SLC34A3: variants seen among roughly 807,000 people sequenced by gnomAD.
SLC34A3 encodes solute carrier family 34 member 3, also known as sodium-dependent phosphate transport protein 2C.
In SLC34A3, 60 loss-of-function variants were observed where a neutral mutation model predicts 43.9. That is an observed-to-expected ratio of 1.37 (90% CI 1.11 to 1.70). The LOEUF is 1.70. Ranked by LOEUF, SLC34A3 falls within the 40% of genes most tolerant of loss-of-function variation. The pLI is 0.00. For missense variants in SLC34A3, 969 were observed against 823.8 expected (o/e 1.18, Z -2.16); for synonymous variants, 451 against 386.2 (o/e 1.17, Z -1.97).
At chr9:137,232,359 C>T (rs556447442) in intron 3 of SLC34A3, among the ~76,000 whole-genome samples, 198 bp downstream of exon 3, 24 of 152,364 alleles carry the variant, frequency 1.6e-4, no homozygotes, top group African/African-American at 4.3e-4. Flanking sequence ...TCTGCCCATC[C>T]GTCCCTCCCC....
At chr9:137,231,641 GAC>G (rs1490744490) in intron 1 of SLC34A3, 21 bp from the exon 2 acceptor site, 1 of 1,384,524 alleles carries the variant, frequency 7.2e-7, no homozygotes, top group African/African-American at 1.4e-5. Context: ...AAATGTCTCT[GAC>G]ACGCGCGTCC....
At chr9:137,233,466 C>T in intron 7 of SLC34A3, 62 bp downstream of exon 7, 2 of 1,580,656 alleles carry the variant, frequency 1.3e-6, no homozygotes, top group South Asian at 2.2e-5. Flanking sequence ...GGAGGGGAGG[C>T]CCGCCCTGCC....
chr9:137,236,335 C>G lies in SLC34A3; in HGVS notation c.1719C>G (p.Asn573Lys). Residue 573 changes from asparagine (N) to lysine (K), a missense_variant, in exon 13 of 13, where the codon AAC (asparagine) becomes AAG (lysine). Physicochemically the swap from Asn to Lys is moderately conservative, Grantham distance 94. Coordinates refer to ENST00000673835, the MANE Select transcript of SLC34A3 (RefSeq NM_001177316.2). Reference protein sequence around the residue: ...DRLVTRCCPCNVCSPPKATTK... With the variant: ...DRLVTRCCPCKVCSPPKATTK... ...TGGTGACCCGCTGCTGCCCCTGCAA[C>G]GTCTGCAGCCCCCCGAAGGCCACCA... The G allele has an allele frequency of 6.5e-7, 1 of 1,542,032 alleles. No individual in the cohort carries two copies. The highest frequency in any genetic ancestry group is 8.7e-7 in the Non-Finnish European group (1 of 1,146,780).
intron 3 of SLC34A3, 21 bp from the exon 4 acceptor site, chr9:137,232,554 C>G (rs775952487): frequency 6.2e-7 from 1 of 1,611,174 alleles, no homozygotes; most frequent in South Asian, 1.1e-5. Context: ...CAGCCAGGGA[C>G]AGCCTGCCCT....
upstream of SLC34A3, among the ~76,000 whole-genome samples, chr9:137,230,304 G>A (rs376238691): frequency 9.2e-5 from 14 of 152,242 alleles, no homozygotes; most frequent in East Asian, 1.9e-3. Context: ...GGCCGCCGTC[G>A]CTGGCTATAC....
At position 137,233,712 on chromosome 9, in the gene SLC34A3, C is replaced by T. The variant is rs150570831; in HGVS notation, c.836C>T (p.Thr279Met). Residue 279 changes from threonine to methionine, a missense_variant, in exon 8 of 13, where the codon ACG becomes ATG. Thr to Met is a moderately conservative substitution (Grantham distance 81, BLOSUM62 -1). Coordinates refer to ENST00000673835, the MANE Select transcript of SLC34A3 (RefSeq NM_001177316.2). ...SSLIKHWCGT[T>M]GQPTQENSSC... ...CTCATTAAGCACTGGTGCGGCACCA[C>T]GGGGCAGCCGGTGAGGCACCCAACC... 682 of 1,612,526 alleles carry T rather than the reference C, an allele frequency of 4.2e-4. 5 individuals are homozygous for T. The African/African-American group carries it at 7.1e-3, about 17-fold the overall frequency.
rs779140809 is a variant in SLC34A3, at chr9:137,233,358, A to AC, written c.711dup (p.Ile238HisfsTer31). 34 of 1,606,892 alleles carry AC rather than the reference A, an allele frequency of 2.1e-5. No individual in the cohort carries two copies. Among genetic ancestry groups the AC allele is most frequent in the Non-Finnish European group, 2.8e-5 (33 of 1,177,848 alleles). On this transcript the variant is annotated frameshift_variant, in exon 7 of 13. Transcript: ENST00000673835. LOFTEE classifies it high-confidence loss of function. Reference sequence around the variant, plus strand: ...CTGACACCCAGGGCGCAGGCGCCCGACATCCTCAAGGTGCTGACGAAGCCG... The same window carrying AC: ...CTGACACCCAGGGCGCAGGCGCCCGACCATCCTCAAGGTGCTGACGAAGCCG...
Position 137,234,643 on chromosome 9 carries a change from T to C in SLC34A3, c.1247T>C (p.Leu416Pro), listed in dbSNP as rs1439784975. Residue 416 changes from leucine to proline, a missense_variant, in exon 12 of 13, where the codon CTC (leucine) becomes CCC (proline). Coordinates refer to ENST00000673835, the MANE Select transcript of SLC34A3 (RefSeq NM_001177316.2). This position sits in a 1 kb window ranked among gnomAD's most constrained non-coding sequence, Gnocchi z 6.9. ...GVISLDRAYPLLLGSNIGTTT... is the reference protein window; with the variant it reads ...GVISLDRAYPPLLGSNIGTTT... Reference sequence around the variant, plus strand: ...ATCAGTCTGGACCGGGCGTACCCCCTCTTACTGGGCTCCAACATCGGCACC... The same window carrying C: ...ATCAGTCTGGACCGGGCGTACCCCCCCTTACTGGGCTCCAACATCGGCACC... 3.1e-6 allele frequency: 5 copies of C among 1,612,042 alleles called. No homozygotes were observed. Among genetic ancestry groups the C allele is most frequent in the Non-Finnish European group, 4.2e-6 (5 of 1,179,714 alleles).
At position 137,231,857 on chromosome 9, in the gene SLC34A3, C is replaced by T. The variant is rs1421219256; in HGVS notation, c.85+70C>T. ...CCACCCCCCAGGCACTGGGCAGAGACAGGCCAGGTTTCCTGCGGGCCTCCC... is the reference window on the plus strand; with the variant it reads ...CCACCCCCCAGGCACTGGGCAGAGATAGGCCAGGTTTCCTGCGGGCCTCCC... On this transcript the variant is annotated intron_variant, in intron 2 of 12. Coordinates refer to ENST00000673835, the MANE Select transcript of SLC34A3 (RefSeq NM_001177316.2). 2.9e-6 allele frequency: 4 copies of T among 1,402,912 alleles called. No homozygotes were observed. In the Admixed American group the frequency reaches 5.0e-5, roughly 18 times the overall value. The allele number at this position is 1,402,912 out of a possible 1,614,324, so 86.9% of individuals were successfully genotyped here. A position where few individuals can be genotyped will look rare whatever the true frequency, so the allele number is the denominator to read the frequency against.
At position 137,236,347 on chromosome 9, in the gene SLC34A3, C is replaced by T; in HGVS notation, c.1731C>T (p.Pro577=). The change falls in exon 13 of 13, where the codon CCC becomes CCT. Residue 577 remains proline, a synonymous_variant. Coordinates refer to ENST00000673835, the MANE Select transcript of SLC34A3 (RefSeq NM_001177316.2). ...TRCCPCNVCS[P]PKATTKEAYC... is the part of the protein sequence containing the mutation. ...GCTGCCCCTGCAACGTCTGCAGCCC[C>T]CCGAAGGCCACCACCAAAGAGGCCT... 1.3e-6 allele frequency: 2 copies of T among 1,541,278 alleles called. No individual in the cohort carries two copies. Among genetic ancestry groups the T allele is most frequent in the South Asian group, 1.2e-5 (1 of 84,076 alleles).
rs926586768 is a variant in SLC34A3 at position 137,235,981 on chromosome 9, G to A, written c.1365G>A (p.Leu455=). 6.2e-6 allele frequency: 10 copies of A among 1,612,334 alleles called. No homozygotes were observed. The African/African-American group carries it at 9.3e-5, about 15-fold the overall frequency. The change falls in exon 13 of 13, where the codon CTG becomes CTA. Residue 455 remains leucine (L), a synonymous_variant. Transcript: ENST00000673835. ...CCCTCATCCACTTCTTCTTCAACCT[G>A]GCCGGCATCCTGCTGTGGTACCTGG... is the stretch of plus-strand genomic sequence containing the variant. ...QVALIHFFFN[L]AGILLWYLVP... is the part of the protein sequence containing the mutation.
In SLC34A3 at chr9:137,232,633, G is replaced by T. The variant is rs780602942; in HGVS notation, c.234G>T (p.Gly78=). The change falls in exon 4 of 13, where the codon GGG becomes GGT. Residue 78 remains glycine, a synonymous_variant. Transcript: ENST00000673835. ...CCGGCAGCGTCCTCAAGGCCTGCGG[G>T]CTCCTCGGCAGCCTGTACTTCTTCA... ...RVAGSVLKAC[G]LLGSLYFFIC... 5.6e-6 allele frequency: 9 copies of T among 1,612,560 alleles called. No homozygotes were observed. In the East Asian group the frequency reaches 1.8e-4, roughly 32 times the overall value.
At chr9:137,232,315 G>A (rs1268122501) in intron 3 of SLC34A3, among the ~76,000 whole-genome samples, 154 bp downstream of exon 3, 1 of 152,216 alleles carries the variant, frequency 6.6e-6, no homozygotes, top group African/African-American at 2.4e-5. Flanking sequence ...CCCTCAACCG[G>A]GTGTCTGTGC....
chr9:137,231,876 GC>G, intron 2 of SLC34A3, 89 bp downstream of exon 2: 2 of 1,284,564 alleles, frequency 1.6e-6, no homozygotes, highest in Non-Finnish European at 2.3e-6. Context: ...TTTCCTGCGG[GC>G]CTCCCGGGGA....
chr9:137,233,629 C>T lies in SLC34A3; in HGVS notation c.757-4C>T. ...CACACCGTCACGACCCCTCTGGCCC[C>T]CAGTTGGACTCCGACATGATCATGA... On this transcript the variant is annotated splice_region_variant and splice_polypyrimidine_tract_variant and intron_variant, in intron 7 of 12. Coordinates refer to ENST00000673835, the MANE Select transcript of SLC34A3 (RefSeq NM_001177316.2). 1 of 1,612,534 alleles carries T rather than the reference C, an allele frequency of 6.2e-7. No homozygotes were observed. Among genetic ancestry groups the T allele is most frequent in the East Asian group, 2.2e-5 (1 of 44,858 alleles).
In SLC34A3 at chr9:137,233,421, C is replaced by A. The variant is rs778776537; in HGVS notation, c.756+17C>A. ...ATCGTGCAGGTGAGGACGGCCACCGCCCCCGCCCAGAGAGCCTGAGCAGGC... is the reference window on the plus strand; with the variant it reads ...ATCGTGCAGGTGAGGACGGCCACCGACCCCGCCCAGAGAGCCTGAGCAGGC... On this transcript the variant is annotated intron_variant, in intron 7 of 12. Transcript: ENST00000673835. 1 of 1,592,822 alleles carries A rather than the reference C, an allele frequency of 6.3e-7. No homozygotes were observed. Among genetic ancestry groups the A allele is most frequent in the Admixed American group, 1.7e-5 (1 of 57,370 alleles).
At position 137,234,074 on chromosome 9, in the gene SLC34A3, A is replaced by G. The variant is rs956751026; in HGVS notation, c.926-35A>G. The stretch of plus-strand genomic sequence containing the variant: ...CCCGGCCCACCCCGGCCCACCCCCC[A>G]GGCTCCCCCTCACCTGCCCCTGCCC... On this transcript the variant is annotated intron_variant, in intron 9 of 12. Transcript: ENST00000673835. This position sits in a 1 kb window ranked among gnomAD's most constrained non-coding sequence, Gnocchi z 6.9. The G allele has an allele frequency of 2.3e-5, 9 of 387,586 alleles. No homozygotes were observed. The highest frequency in any genetic ancestry group is 2.6e-5 in the Non-Finnish European group (8 of 308,366). 24.0% of individuals were successfully genotyped at this position (387,586 alleles called of 1,614,324 possible).
rs757810082 is a variant in SLC34A3 at position 137,234,124 on chromosome 9, C to A, written c.941C>A (p.Ala314Glu). The change falls in exon 10 of 13, where the codon GCG becomes GAG. Residue 314 changes from alanine to glutamate, a missense_variant. By Grantham distance (107) the Ala-to-Glu change is moderately radical. Transcript: ENST00000673835. The surrounding 1 kb of genome is among the most constrained non-coding windows in gnomAD (Gnocchi z 6.9). ...CTGCCCCCAGGCCGCCACCTGTTTG[C>A]GGGCACGGAGCTCACGGACCTGGCC... ...ADRLPCRHLFAGTELTDLAVG... is the reference protein window; with the variant it reads ...ADRLPCRHLFEGTELTDLAVG... 2 of 1,561,430 alleles carry A rather than the reference C, an allele frequency of 1.3e-6. No individual in the cohort carries two copies. The highest frequency in any genetic ancestry group is 1.7e-6 in the Non-Finnish European group (2 of 1,158,512).
upstream of SLC34A3, among the ~76,000 whole-genome samples, chr9:137,229,838 G>A (rs908313045): frequency 6.6e-6 from 1 of 152,198 alleles, no homozygotes; most frequent in South Asian, 2.1e-4. Context: ...CTTTTGAGGG[G>A]CCGGGGCTGG....
Sources: allele counts gnomAD v4.1 joint callset (sites outside exome capture counted in the v4.1 genomes callset), GRCh38; gene constraint gnomAD v4.1.1; non-coding constraint Gnocchi (gnomAD v3.1); transcripts MANE v1.5; gene names NCBI Gene and HGNC (gene_info 2026-07-23, HGNC 2026-07-21).